Variants in GALNT2 observed in about 807,000 individuals in gnomAD.
GALNT2 encodes polypeptide N-acetylgalactosaminyltransferase 2.
GALNT2 carries 31 observed loss-of-function variants against 81.4 expected under a neutral mutation model. That is an observed-to-expected ratio of 0.38 (90% CI 0.29 to 0.51). The LOEUF is 0.51. Ranked by LOEUF, GALNT2 falls within the 20% of genes least tolerant of loss-of-function variation. The probability of loss-of-function intolerance (pLI) is 0.87; values close to 1 mark genes in which losing one functional copy is unlikely to be tolerated. For synonymous variants in GALNT2, 303 were observed against 287.4 expected (o/e 1.05, Z -0.55); for missense variants, 629 against 765.7 (o/e 0.82, Z 2.11).
At position 230,276,108 on chromosome 1, in the gene GALNT2, CATAT is replaced by C. The variant is rs1425607352; in HGVS notation, c.1560+1548_1560+1551del. 1.5e-3 allele frequency among the ~76,000 whole-genome samples: 225 copies of C among 150,952 alleles called. 2 individuals are homozygous for C. Among genetic ancestry groups the C allele is most frequent in the African/African-American group, 4.8e-3 (195 of 40,978 alleles). On this transcript the variant is annotated intron_variant, in intron 15 of 15. Transcript: ENST00000366672. The stretch of plus-strand genomic sequence containing the variant: ...ATATACATATATAAACACATATATA[CATAT>C]ATAGACACCACAGATATATACATAT...
chr1:230,236,280 G>T, intron 4 of GALNT2, 73 bp from the exon 5 acceptor site: 1 of 1,503,284 alleles, frequency 6.7e-7, no homozygotes, highest in South Asian at 1.2e-5. Context: ...CAACATATGA[G>T]AATTTTCTAC....
At chr1:230,220,269 C>T (rs1042663408) in intron 3 of GALNT2, among the ~76,000 whole-genome samples, 6 of 120,856 alleles carry the variant, frequency 5.0e-5, no homozygotes, top group African/African-American at 2.0e-4. Context: ...GATTTTTTTC[C>T]AAGGTGTTTT....
chr1:230,090,963 G>A (rs564387014), intron 1 of GALNT2, among the ~76,000 whole-genome samples: 5 of 152,304 alleles, frequency 3.3e-5, no homozygotes, highest in Admixed American at 6.5e-5. Context: ...AGAATTGTAA[G>A]ATACTGCTAA....
intron 1 of GALNT2, among the ~76,000 whole-genome samples, chr1:230,094,674 C>T (rs902527515): frequency 6.6e-6 from 1 of 152,160 alleles, no homozygotes; most frequent in South Asian, 2.1e-4. Context: ...TTTCCCAACA[C>T]ATCTGGACAG....
At chr1:230,191,444 G>A (rs1374993250) in intron 2 of GALNT2, among the ~76,000 whole-genome samples, 1 of 152,190 alleles carries the variant, frequency 6.6e-6, no homozygotes, top group Non-Finnish European at 1.5e-5. Context: ...AGAGGCTGAA[G>A]ACTTTTTTTC....
At chr1:230,058,647 C>CAT (rs1658975346) in intron 1 of GALNT2, among the ~76,000 whole-genome samples, 2 of 152,214 alleles carry the variant, frequency 1.3e-5, no homozygotes, top group South Asian at 2.1e-4. Flanking sequence ...CAGTGCCTGG[C>CAT]ATATGGTAAG....
intron 1 of GALNT2, among the ~76,000 whole-genome samples, chr1:230,095,809 C>T (rs1005424421): frequency 1.3e-5 from 2 of 152,194 alleles, no homozygotes; most frequent in Non-Finnish European, 2.9e-5. Context: ...TGCTAGAAGA[C>T]GTCCAGGCTG....
At chr1:230,273,310 G>A (rs952047761) in intron 14 of GALNT2, among the ~76,000 whole-genome samples, 10 of 152,184 alleles carry the variant, frequency 6.6e-5, no homozygotes, top group Admixed American at 1.3e-4. Context: ...CTGTGACAGC[G>A]CCGGTGTCAT....
chr1:230,178,541 G>C (rs1474355035), intron 2 of GALNT2, among the ~76,000 whole-genome samples: 1 of 152,156 alleles, frequency 6.6e-6, no homozygotes, highest in Non-Finnish European at 1.5e-5. Flanking sequence ...AATAAAAATA[G>C]ACTAAAGTAG....
chr1:230,279,437 C>T lies in GALNT2; in HGVS notation c.1695C>T (p.Phe565=). The change falls in exon 16 of 16, where the codon TTC becomes TTT. Residue 565 remains phenylalanine, a synonymous_variant. Coordinates refer to ENST00000366672, the MANE Select transcript of GALNT2 (RefSeq NM_004481.5). The surrounding 1 kb of genome is among the most constrained non-coding windows in gnomAD (Gnocchi z 4.6). ...CGPALSQQWK[F]TLNLQQ ...CGGCCCTTTCGCAGCAGTGGAAGTTCACGCTCAACCTGCAGCAGTAGGAGG... is the reference window on the plus strand; with the variant it reads ...CGGCCCTTTCGCAGCAGTGGAAGTTTACGCTCAACCTGCAGCAGTAGGAGG... 6.2e-7 allele frequency: 1 copy of T among 1,614,050 alleles called. No individual in the cohort carries two copies. Among genetic ancestry groups the T allele is most frequent in the Non-Finnish European group, 8.5e-7 (1 of 1,179,986 alleles).
intron 10 of GALNT2, among the ~76,000 whole-genome samples, chr1:230,254,458 C>T (rs986839864): frequency 5.3e-5 from 8 of 152,182 alleles, no homozygotes; most frequent in Admixed American, 2.6e-4. Flanking sequence ...CTGTGAGCAG[C>T]GTGCAGATAT....
intron 1 of GALNT2, among the ~76,000 whole-genome samples, chr1:230,149,910 G>A (rs749901617): frequency 6.6e-6 from 1 of 152,122 alleles, no homozygotes; most frequent in Non-Finnish European, 1.5e-5. Flanking sequence ...CTTCTCCGGT[G>A]GCCATCAGAT....
In GALNT2 at chr1:230,279,469, G is replaced by A. The variant is rs1191945469; in HGVS notation, c.*11G>A. On this transcript the variant is annotated 3_prime_UTR_variant, in exon 16 of 16. Transcript: ENST00000366672. The surrounding 1 kb of genome is among the most constrained non-coding windows in gnomAD (Gnocchi z 4.6). The stretch of plus-strand genomic sequence containing the variant: ...AACCTGCAGCAGTAGGAGGGTCCGG[G>A]AGGCCCTGCCGTCCTGTCTCCTGCA... 4 of 1,612,460 alleles carry A rather than the reference G, an allele frequency of 2.5e-6. No individual in the cohort carries two copies. The East Asian group carries it at 6.7e-5, about 27-fold the overall frequency.
chr1:230,233,683 G>A (rs934639154), intron 3 of GALNT2, among the ~76,000 whole-genome samples: 8 of 152,094 alleles, frequency 5.3e-5, no homozygotes, highest in East Asian at 1.9e-4. Context: ...TAAGAGTGAA[G>A]GGAATGTTTC....
intron 1 of GALNT2, among the ~76,000 whole-genome samples, chr1:230,154,208 C>T (rs1035796967): frequency 2.6e-5 from 4 of 152,210 alleles, no homozygotes; most frequent in Admixed American, 1.3e-4. Context: ...GTCAAGCTGC[C>T]GTCCACCCTG....
chr1:230,110,714 G>GTTTTTTTTTTTTTTTTTTTTTTTTTTT lies in GALNT2; in HGVS notation c.126+43322_126+43323insTTTTTTTTTTTTTTTTTTTTTTTTTTT, dbSNP rs113630188. Among the ~76,000 whole-genome samples the GTTTTTTTTTTTTTTTTTTTTTTTTTTT allele has an allele frequency of 2.9e-5, 4 of 137,656 alleles. 1 individual carries two copies. The highest frequency in any genetic ancestry group is 6.3e-5 in the Non-Finnish European group (4 of 63,650). 90.3% of individuals were successfully genotyped at this position (137,656 alleles called of 152,430 possible). A position where few individuals can be genotyped will look rare whatever the true frequency, so the allele number is the denominator to read the frequency against. On this transcript the variant is annotated intron_variant, in intron 1 of 15. Transcript: ENST00000366672. ...GGGTCTCTCTCAGCTGTGCTTTTCT[G>GTTTTTTTTTTTTTTTTTTTTTTTTTTT]TTTTTTTTTTTTTTGTCTTCAATAG...
At chr1:230,192,097 A>C (rs1663545684) in intron 2 of GALNT2, among the ~76,000 whole-genome samples, 1 of 152,212 alleles carries the variant, frequency 6.6e-6, no homozygotes. Flanking sequence ...TGGCACTGCC[A>C]CCTGAAAGGG....
At chr1:230,119,532 T>C (rs1660950857) in intron 1 of GALNT2, among the ~76,000 whole-genome samples, 1 of 152,228 alleles carries the variant, frequency 6.6e-6, no homozygotes, top group Non-Finnish European at 1.5e-5. Flanking sequence ...CAACCATTGA[T>C]ACTCAGTGTC....
intron 1 of GALNT2, among the ~76,000 whole-genome samples, chr1:230,164,376 C>G (rs1662533692): frequency 6.6e-6 from 1 of 152,156 alleles, no homozygotes; most frequent in African/African-American, 2.4e-5. Context: ...GTGATAAGCG[C>G]ACAAGATCAC....
Sources: allele counts gnomAD v4.1 joint callset (sites outside exome capture counted in the v4.1 genomes callset), GRCh38; gene constraint gnomAD v4.1.1; non-coding constraint Gnocchi (gnomAD v3.1); transcripts MANE v1.5; gene names NCBI Gene and HGNC (gene_info 2026-07-23, HGNC 2026-07-21).